PLSCR3: variants seen among roughly 807,000 people sequenced by gnomAD.
The protein encoded by PLSCR3 is phospholipid scramblase 3.
In PLSCR3, 17 loss-of-function variants were observed where a neutral mutation model predicts 33.7. That is an observed-to-expected ratio of 0.50 (90% CI 0.35 to 0.76). PLSCR3 has a LOEUF of 0.76. Among genes scored for constraint, PLSCR3 ranks in the 30% least tolerant of loss-of-function variants. The pLI, the probability that PLSCR3 is intolerant of heterozygous loss-of-function variation, is 0.01. For missense variants in PLSCR3, 360 were observed against 394.1 expected, an observed-to-expected ratio of 0.91 and a Z score of 0.73; for synonymous variants, 166 against 166.0, an observed-to-expected ratio of 1.00 and a Z score of 0.00.
At position 7,390,800 on chromosome 17, in the gene PLSCR3, C is replaced by T. The variant is rs376269880; in HGVS notation, c.670-5G>A. ...GGATTCATCCCGAGTCTTCACCTGT[C>T]ATCAGGGAGGGAGAAAGGACCCAGC... On this transcript the variant is annotated splice_region_variant and splice_polypyrimidine_tract_variant and intron_variant, in intron 6 of 7. Transcript: ENST00000619711. 13 of 1,613,884 alleles carry T rather than the reference C, an allele frequency of 8.1e-6. No individual in the cohort carries two copies. In the East Asian group the frequency reaches 2.5e-4, roughly 30 times the overall value.
In PLSCR3 at chr17:7,391,434, C is replaced by A. The variant is rs898939700; in HGVS notation, c.670-639G>T. ...TAGCCTTTGAGGACCACAATTTCCA[C>A]TGGCTTCTCTGAGCCACACAGCAAC... On this transcript the variant is annotated intron_variant, in intron 6 of 7. Coordinates refer to ENST00000619711, the MANE Select transcript of PLSCR3 (RefSeq NM_020360.4). This position sits in a 1 kb window ranked among gnomAD's most constrained non-coding sequence, Gnocchi z 4.1. Among the ~76,000 whole-genome samples the A allele has an allele frequency of 1.2e-4, 18 of 152,254 alleles. No homozygotes were observed. Among genetic ancestry groups the A allele is most frequent in the African/African-American group, 4.3e-4 (18 of 41,472 alleles).
rs376517400 is a variant in PLSCR3 at position 7,390,830 on chromosome 17, G to A, written c.670-35C>T. ...GGGAGGGAGAAAGGACCCAGCTGAG[G>A]AGGAGGCAGCCAGTCTCACCTGCTC... On this transcript the variant is annotated intron_variant, in intron 6 of 7. Transcript: ENST00000619711. 1.1e-5 allele frequency: 17 copies of A among 1,610,708 alleles called. No individual in the cohort carries two copies. The African/African-American group carries it at 2.0e-4, about 19-fold the overall frequency.
chr17:7,392,933 G>C lies in PLSCR3; in HGVS notation c.527C>G (p.Pro176Arg). 1 of 1,613,218 alleles carries C rather than the reference G, an allele frequency of 6.2e-7. No individual in the cohort carries two copies. Among genetic ancestry groups the C allele is most frequent in the Non-Finnish European group, 8.5e-7 (1 of 1,179,410 alleles). The change falls in exon 6 of 8, where the codon CCA (proline) becomes CGA (arginine). Residue 176 changes from proline (P) to arginine (R), a missense_variant. Coordinates refer to ENST00000619711, the MANE Select transcript of PLSCR3 (RefSeq NM_020360.4). Reference protein sequence around the residue: ...GLQEMEVQAPPGTTIGHVLQT... With the variant: ...GLQEMEVQAPRGTTIGHVLQT... ...TAGCACGTGGCCAATGGTGGTGCCTGGTGGAGCCTGTACTTCCATCTGGGA... is the reference window on the plus strand; with the variant it reads ...TAGCACGTGGCCAATGGTGGTGCCTCGTGGAGCCTGTACTTCCATCTGGGA...
At position 7,393,513 on chromosome 17, in the gene PLSCR3, G is replaced by A; in HGVS notation, c.244-4C>T. 1 of 1,614,138 alleles carries A rather than the reference G, an allele frequency of 6.2e-7. No homozygotes were observed. The highest frequency in any genetic ancestry group is 1.3e-5 in the African/African-American group (1 of 75,046). ...GGTGAATCAAAATCTGATCAATCTG[G>A]AAAGAGAGGGGCGGCGCGCACATCA... On this transcript the variant is annotated splice_polypyrimidine_tract_variant and splice_region_variant and intron_variant, in intron 3 of 7. Coordinates refer to ENST00000619711, the MANE Select transcript of PLSCR3 (RefSeq NM_020360.4).
chr17:7,394,233 C>T lies in PLSCR3; in HGVS notation c.-123G>A, dbSNP rs1433675964. ...ACACAAAGACGGAGAGGCAGCTGCGCCCGGCGCCGGCCCAGGGTCTCTTGG... is the reference window on the plus strand; with the variant it reads ...ACACAAAGACGGAGAGGCAGCTGCGTCCGGCGCCGGCCCAGGGTCTCTTGG... On this transcript the variant is annotated 5_prime_UTR_variant, in exon 2 of 8. Transcript: ENST00000619711. The surrounding 1 kb of genome is among the most constrained non-coding windows in gnomAD (Gnocchi z 5.3). The T allele has an allele frequency of 1.1e-5, 10 of 923,718 alleles. No homozygotes were observed. In the Admixed American group the frequency reaches 1.3e-4, roughly 12 times the overall value. The allele number at this position is 923,718 out of a possible 1,614,324, so 57.2% of individuals were successfully genotyped here.
chr17:7,394,372 C>G lies in PLSCR3; in HGVS notation c.-158+105G>C, dbSNP rs1906008882. 2 of 474,818 alleles carry G rather than the reference C, an allele frequency of 4.2e-6. No homozygotes were observed. The highest frequency in any genetic ancestry group is 3.9e-5 in the African/African-American group (2 of 50,918). The allele number at this position is 474,818 out of a possible 1,614,324, so 29.4% of individuals were successfully genotyped here. A position where few individuals can be genotyped will look rare whatever the true frequency, so the allele number is the denominator to read the frequency against. The stretch of plus-strand genomic sequence containing the variant: ...CGCCCCCTCCCTTTGTTCTCCCATC[C>G]TGCGGAGGAGGCTGTGGGCCGACGG... On this transcript the variant is annotated intron_variant, in intron 1 of 7. Coordinates refer to ENST00000619711, the MANE Select transcript of PLSCR3 (RefSeq NM_020360.4). This position sits in a 1 kb window ranked among gnomAD's most constrained non-coding sequence, Gnocchi z 5.3.
rs1241527667 is a variant in PLSCR3, at chr17:7,391,772, C to T, written c.670-977G>A. Among the ~76,000 whole-genome samples, 1 of 152,224 alleles carries T rather than the reference C, an allele frequency of 6.6e-6. No homozygotes were observed. The highest frequency in any genetic ancestry group is 1.5e-5 in the Non-Finnish European group (1 of 68,042). On this transcript the variant is annotated intron_variant, in intron 6 of 7. Coordinates refer to ENST00000619711, the MANE Select transcript of PLSCR3 (RefSeq NM_020360.4). This position sits in a 1 kb window ranked among gnomAD's most constrained non-coding sequence, Gnocchi z 4.1. ...CATCATGGAATCTCCCTCTGGCTAC[C>T]AAGGTGACTCATTTTTGCAAAGTAA...
intron 2 of PLSCR3, 43 bp from the exon 3 acceptor site, chr17:7,393,879 G>A (rs1300527525): frequency 8.0e-7 from 1 of 1,250,188 alleles, no homozygotes; most frequent in Admixed American, 2.5e-5. Context: ...AGGGACTCAA[G>A]GCCTCATCCC....
chr17:7,393,726 C>A lies in PLSCR3; in HGVS notation c.118G>T (p.Ala40Ser), dbSNP rs778811511. The A allele has an allele frequency of 6.6e-7, 1 of 1,526,014 alleles. No individual in the cohort carries two copies. The highest frequency in any genetic ancestry group is 8.7e-7 in the Non-Finnish European group (1 of 1,146,824). The allele number at this position is 1,526,014 out of a possible 1,614,324, so 94.5% of individuals were successfully genotyped here. A position where few individuals can be genotyped will look rare whatever the true frequency, so the allele number is the denominator to read the frequency against. ...CCGGGAGCTGGGGCAGGTACCTGGG[C>A]GGGCACTGGCGCCTGCCCGGGCCCA... The part of the protein sequence containing the change: ...HPGPGQAPVP[A>S]QVPAPAPGFA... Residue 40 changes from alanine (A) to serine (S), a missense_variant, in exon 3 of 8, where the codon GCC (alanine) becomes TCC (serine). Physicochemically the swap from Ala to Ser is moderately conservative, Grantham distance 99. Coordinates refer to ENST00000619711, the MANE Select transcript of PLSCR3 (RefSeq NM_020360.4).
At position 7,390,254 on chromosome 17, in the gene PLSCR3, G is replaced by T; in HGVS notation, c.*131C>A. 1 of 646,272 alleles carries T rather than the reference G, an allele frequency of 1.5e-6. No individual in the cohort carries two copies. Among genetic ancestry groups the T allele is most frequent in the Non-Finnish European group, 2.6e-6 (1 of 379,504 alleles). The allele number at this position is 646,272 out of a possible 1,614,324, so 40.0% of individuals were successfully genotyped here. A position where few individuals can be genotyped will look rare whatever the true frequency, so the allele number is the denominator to read the frequency against. On this transcript the variant is annotated 3_prime_UTR_variant, in exon 8 of 8. Transcript: ENST00000619711. The stretch of plus-strand genomic sequence containing the variant: ...CAGGGGCAGGCGGCCAGGGAGTAGG[G>T]TAGGGATGGGGCCCCCCTTCTGTCC...
rs1826562459 is a variant in PLSCR3, at chr17:7,391,273, T to C, written c.670-478A>G. ...GTACTTCACCAGTCAAGAAGGCTCC[T>C]AGAAGGCTATGTCTACCCCGAAGAG... On this transcript the variant is annotated intron_variant, in intron 6 of 7. Transcript: ENST00000619711. This position sits in a 1 kb window ranked among gnomAD's most constrained non-coding sequence, Gnocchi z 4.1. Among the ~76,000 whole-genome samples the C allele has an allele frequency of 6.6e-6, 1 of 152,198 alleles. No individual in the cohort carries two copies. The highest frequency in any genetic ancestry group is 6.5e-5 in the Admixed American group (1 of 15,286).
chr17:7,393,912 G>A, intron 2 of PLSCR3, 76 bp from the exon 3 acceptor site: 2 of 1,129,394 alleles, frequency 1.8e-6, no homozygotes, highest in Non-Finnish European at 2.5e-6. Context: ...CCCATGGGCC[G>A]CGAGGCTTCG....
Position 7,390,094 on chromosome 17 carries a change from G to A in PLSCR3, c.*291C>T, listed in dbSNP as rs1235785330. ...TTCCAGAGGCCTCCTTTGGAGCAGA[G>A]GCCCTGGAAGGGGGTGGGAGAGAGT... On this transcript the variant is annotated 3_prime_UTR_variant, in exon 8 of 8. Transcript: ENST00000619711. 3 of 320,296 alleles carry A rather than the reference G, an allele frequency of 9.4e-6. No homozygotes were observed. Among genetic ancestry groups the A allele is most frequent in the Non-Finnish European group, 1.2e-5 (2 of 171,136 alleles). The allele number at this position is 320,296 out of a possible 1,614,324, so 19.8% of individuals were successfully genotyped here. A position where few individuals can be genotyped will look rare whatever the true frequency, so the allele number is the denominator to read the frequency against.
At chr17:7,390,586 T>C (rs753257160) in intron 7 of PLSCR3, 48 bp downstream of exon 7, 4 of 1,608,072 alleles carry the variant, frequency 2.5e-6, no homozygotes, top group Non-Finnish European at 3.4e-6. Context: ...AAGCTTCAAA[T>C]GACAGCAAAG....
chr17:7,390,899 C>A, intron 6 of PLSCR3, 104 bp from the exon 7 acceptor site: 1 of 1,163,690 alleles, frequency 8.6e-7, no homozygotes, highest in African/African-American at 1.5e-5. Context: ...GCAGGGTCTC[C>A]ACTCAGTGAA....
At position 7,389,748 on chromosome 17, in the gene PLSCR3, A is replaced by G. The variant is rs1317986423; in HGVS notation, c.*637T>C. ...CATCTTTCAATGTCCAAAAAGTTACAAAGTTTATATGAATGTAACATATAA... is the reference window on the plus strand; with the variant it reads ...CATCTTTCAATGTCCAAAAAGTTACGAAGTTTATATGAATGTAACATATAA... On this transcript the variant is annotated 3_prime_UTR_variant, in exon 8 of 8. Transcript: ENST00000619711. 5.7e-5 allele frequency: 9 copies of G among 157,758 alleles called. No individual in the cohort carries two copies. Among genetic ancestry groups the G allele is most frequent in the Admixed American group, 3.9e-4 (6 of 15,432 alleles). 9.8% of individuals were successfully genotyped at this position (157,758 alleles called of 1,614,324 possible). A position where few individuals can be genotyped will look rare whatever the true frequency, so the allele number is the denominator to read the frequency against.
chr17:7,390,123 T>C lies in PLSCR3; in HGVS notation c.*262A>G, dbSNP rs930437106. On this transcript the variant is annotated 3_prime_UTR_variant, in exon 8 of 8. Transcript: ENST00000619711. ...CTGGAAGGGGGTGGGAGAGAGTGCA[T>C]GGGGAAAGTGTGAAAGCTGATATGC... 2.7e-5 allele frequency: 11 copies of C among 403,310 alleles called. No individual in the cohort carries two copies. Among genetic ancestry groups the C allele is most frequent in the African/African-American group, 2.0e-4 (10 of 49,636 alleles). 25.0% of individuals were successfully genotyped at this position (403,310 alleles called of 1,614,324 possible). A position where few individuals can be genotyped will look rare whatever the true frequency, so the allele number is the denominator to read the frequency against.
At position 7,394,124 on chromosome 17, in the gene PLSCR3, G is replaced by A; in HGVS notation, c.-14C>T. 1 of 1,613,378 alleles carries A rather than the reference G, an allele frequency of 6.2e-7. No homozygotes were observed. The highest frequency in any genetic ancestry group is 8.5e-7 in the Non-Finnish European group (1 of 1,179,586). ...CTTACCTGCCATGGGAGAAGGGCTG[G>A]GGTTTTCGAGATGATGGTGTCTGGG... On this transcript the variant is annotated 5_prime_UTR_variant, in exon 2 of 8. Coordinates refer to ENST00000619711, the MANE Select transcript of PLSCR3 (RefSeq NM_020360.4). This position sits in a 1 kb window ranked among gnomAD's most constrained non-coding sequence, Gnocchi z 5.3.
At chr17:7,392,442 A>G (rs1390600852) in intron 6 of PLSCR3, among the ~76,000 whole-genome samples, 1 of 152,174 alleles carries the variant, frequency 6.6e-6, no homozygotes, top group Non-Finnish European at 1.5e-5. Flanking sequence ...TGCTTGCTCC[A>G]GGGCCTGGGC....
Sources: allele counts gnomAD v4.1 joint callset (sites outside exome capture counted in the v4.1 genomes callset), GRCh38; gene constraint gnomAD v4.1.1; non-coding constraint Gnocchi (gnomAD v3.1); transcripts MANE v1.5; gene names NCBI Gene and HGNC (gene_info 2026-07-23, HGNC 2026-07-21).